FAM186A: variants seen among roughly 807,000 people sequenced by gnomAD.
FAM186A encodes the protein protein FAM186A.
A neutral mutation model predicts 216.8 loss-of-function variants in FAM186A; 163 were observed. The observed-to-expected ratio is 0.75, with a 90% confidence interval of 0.66 to 0.86. FAM186A has a LOEUF of 0.86. FAM186A is among the 40% of genes least tolerant of loss of function. FAM186A has a pLI of 0.00. For missense variants in FAM186A, 2,184 were observed against 2,746.2 expected (o/e 0.80, Z 4.58); for synonymous variants, 805 against 1,025.3 (o/e 0.79, Z 4.10).
At chr12:50,382,978 A>G (rs935771303) in intron 1 of FAM186A, among the ~76,000 whole-genome samples, 21 of 152,014 alleles carry the variant, frequency 1.4e-4, no homozygotes, top group African/African-American at 4.8e-4. Flanking sequence ...CATGCCTATA[A>G]TCCCAGAACT....
chr12:50,386,253 AC>A (rs1943302485), intron 1 of FAM186A, among the ~76,000 whole-genome samples: 1 of 151,772 alleles, frequency 6.6e-6, no homozygotes, highest in Non-Finnish European at 1.5e-5. Context: ...ACATGGCGAA[AC>A]CCTGTCTCCA....
rs1220167579 is a variant in FAM186A at position 50,354,122 on chromosome 12, C to G, written c.2710G>C (p.Glu904Gln). Residue 904 changes from glutamate to glutamine, a missense_variant, in exon 4 of 8, where the codon GAG becomes CAG. Around this residue, in one of 7 missense-constraint regions of FAM186A, gnomAD observed 1,132 missense variants for 1,263.4 expected, o/e 0.90. Transcript: ENST00000327337. The part of the protein sequence containing the change: ...KQATPKQAEQ[E>Q]EKQKQRGQEE... ...TGTCCTCTTTGCTTTTGCTTTTCCT[C>G]TTGCTCAGCCTGCTTTGGAGTTGCC... The G allele has an allele frequency of 1.3e-6, 2 of 1,551,662 alleles. No individual in the cohort carries two copies. The highest frequency in any genetic ancestry group is 2.7e-5 in the African/African-American group (2 of 73,058).
intron 1 of FAM186A, among the ~76,000 whole-genome samples, chr12:50,393,328 AG>A (rs1396619030): frequency 3.3e-5 from 5 of 151,998 alleles, no homozygotes; most frequent in African/African-American, 4.8e-5. Flanking sequence ...ACCTGAGGTC[AG>A]GAGTTCAAGA....
At chr12:50,331,950 ACTCCACCCAC>A (rs1181237335) in intron 5 of FAM186A, 129 bp from the exon 6 acceptor site, 18 of 732,068 alleles carry the variant, frequency 2.5e-5, no homozygotes, top group Non-Finnish European at 3.2e-5. Flanking sequence ...TCCTCTCCCT[ACTCCACCCAC>A]CTCCAACATG....
chr12:50,382,295 T>C (rs1943260697), intron 1 of FAM186A, among the ~76,000 whole-genome samples: 1 of 148,422 alleles, frequency 6.7e-6, no homozygotes, highest in South Asian at 2.1e-4. Context: ...TGCTTAGAGA[T>C]ACGAGTAGGC....
In FAM186A at chr12:50,384,724, A is replaced by C. The variant is rs370263765; in HGVS notation, c.192+11569T>G. ...GAGTCTCTTCAATAAATGGTGTTAG[A>C]AAAACTGGATATCCACGTACAGAAG... On this transcript the variant is annotated intron_variant, in intron 1 of 7. Coordinates refer to ENST00000327337, the MANE Select transcript of FAM186A (RefSeq NM_001145475.3). 2.4e-4 allele frequency among the ~76,000 whole-genome samples: 36 copies of C among 152,314 alleles called. No individual in the cohort carries two copies. The East Asian group carries it at 3.5e-3, about 15-fold the overall frequency.
At chr12:50,358,922 C>CAAAA (rs71441361) in intron 3 of FAM186A, among the ~76,000 whole-genome samples, 66 of 118,702 alleles carry the variant, frequency 5.6e-4, no homozygotes, top group African/African-American at 2.0e-3. Context: ...GACTCTGTCT[C>CAAAA]AAAAAAAAAA....
intron 1 of FAM186A, among the ~76,000 whole-genome samples, chr12:50,388,114 C>G (rs183081600): frequency 6.6e-6 from 1 of 152,122 alleles, no homozygotes; most frequent in African/African-American, 2.4e-5. Context: ...AGCAGCTTGA[C>G]CTTCAGCGGC....
At chr12:50,365,993 C>A in intron 1 of FAM186A, 1 of 766,440 alleles carries the variant, frequency 1.3e-6, no homozygotes, top group Non-Finnish European at 2.4e-6. Flanking sequence ...TGGACAAAGA[C>A]CGCAAAAAGA....
intron 1 of FAM186A, among the ~76,000 whole-genome samples, chr12:50,382,019 T>C (rs1417064129): frequency 6.7e-6 from 1 of 150,086 alleles, no homozygotes; most frequent in African/African-American, 2.5e-5. Flanking sequence ...GAGTAGGGAG[T>C]GGGGAAGAAG....
intron 7 of FAM186A, among the ~76,000 whole-genome samples, chr12:50,329,222 C>G (rs909477995): frequency 6.6e-6 from 1 of 152,000 alleles, no homozygotes; most frequent in African/African-American, 2.4e-5. Flanking sequence ...ATATCTGACA[C>G]TTGAAGCTAG....
At chr12:50,384,124 A>C (rs764259124) in intron 1 of FAM186A, among the ~76,000 whole-genome samples, 32 of 152,074 alleles carry the variant, frequency 2.1e-4, no homozygotes, top group Non-Finnish European at 4.3e-4. Context: ...CTCAAAAAAA[A>C]GAAAGAAAGA....
chr12:50,348,038 A>ATTTTTTTT (rs71083540), intron 4 of FAM186A, among the ~76,000 whole-genome samples: 11 of 81,352 alleles, frequency 1.4e-4, no homozygotes, highest in Non-Finnish European at 2.2e-4. Flanking sequence ...ATGCCTGGTA[A>ATTTTTTTT]TTTTTTTTTT....
At chr12:50,339,398 A>C (rs1473720753) in intron 4 of FAM186A, among the ~76,000 whole-genome samples, 1 of 152,136 alleles carries the variant, frequency 6.6e-6, no homozygotes, top group African/African-American at 2.4e-5. Context: ...TTGATATATC[A>C]CCTTAGCATA....
intron 1 of FAM186A, among the ~76,000 whole-genome samples, chr12:50,376,639 C>T (rs2136103511): frequency 6.6e-6 from 1 of 152,168 alleles, no homozygotes; most frequent in East Asian, 1.9e-4. Context: ...GGTAAAAGTA[C>T]CATCTGATCG....
chr12:50,336,135 A>AG (rs977481970), intron 4 of FAM186A, among the ~76,000 whole-genome samples: 1 of 151,130 alleles, frequency 6.6e-6, no homozygotes, highest in Admixed American at 6.6e-5. Flanking sequence ...AAAAAAAAAA[A>AG]AAAGAGTAAT....
intron 1 of FAM186A, among the ~76,000 whole-genome samples, chr12:50,389,290 C>T (rs1466829348): frequency 2.6e-5 from 4 of 152,084 alleles, no homozygotes; most frequent in East Asian, 1.9e-4. Flanking sequence ...CACCTGAGTT[C>T]GGGAATTTGA....
At chr12:50,358,429 A>T in intron 3 of FAM186A, among the ~76,000 whole-genome samples, 1 of 151,768 alleles carries the variant, frequency 6.6e-6, no homozygotes. Context: ...AAAAGTTTTT[A>T]AAAATTAGCT....
At chr12:50,390,002 C>T (rs1431978319) in intron 1 of FAM186A, among the ~76,000 whole-genome samples, 1 of 152,168 alleles carries the variant, frequency 6.6e-6, no homozygotes, top group Non-Finnish European at 1.5e-5. Flanking sequence ...AGCCCTCACT[C>T]CACAGGTAAG....
Sources: allele counts gnomAD v4.1 joint callset (sites outside exome capture counted in the v4.1 genomes callset), GRCh38; gene constraint gnomAD v4.1.1; regional missense constraint gnomAD v4.1.1; transcripts MANE v1.5; gene names NCBI Gene and HGNC (gene_info 2026-07-23, HGNC 2026-07-21).